PCCB: variants seen among roughly 807,000 people sequenced by gnomAD.
The protein encoded by PCCB is propionyl-CoA carboxylase beta chain, mitochondrial.
PCCB carries 43 observed loss-of-function variants against 60.7 expected under a neutral mutation model. The observed-to-expected ratio is 0.71, with a 90% CI of 0.55 to 0.91. PCCB has a LOEUF of 0.91. Among genes scored for constraint, PCCB ranks in the 40% least tolerant of loss-of-function variants. PCCB has a pLI of 0.00. For synonymous variants in PCCB, 276 were observed against 255.9 expected, an observed-to-expected ratio of 1.08 and a Z score of -0.75; for missense variants, 766 against 702.8, an observed-to-expected ratio of 1.09 and a Z score of -1.02.
intron 9 of PCCB, among the ~76,000 whole-genome samples, chr3:136,313,354 G>A (rs901578848): frequency 6.6e-6 from 1 of 151,120 alleles, no homozygotes; most frequent in South Asian, 2.1e-4. Flanking sequence ...TAGATTGGTT[G>A]AATAAACTTT....
At chr3:136,305,605 C>T (rs1217517207) in intron 9 of PCCB, among the ~76,000 whole-genome samples, 1 of 115,446 alleles carries the variant, frequency 8.7e-6, no homozygotes, top group Non-Finnish European at 1.9e-5. Flanking sequence ...AAAAATTAGC[C>T]GGGTGTGGTG....
At chr3:136,254,713 C>A (rs535354347) in intron 1 of PCCB, among the ~76,000 whole-genome samples, 150 of 148,824 alleles carry the variant, frequency 1.0e-3, no homozygotes, top group African/African-American at 3.6e-3. Flanking sequence ...TTGTATTTTT[C>A]AGTAGAGACC....
At chr3:136,294,335 A>G (rs1186243365) in intron 7 of PCCB, among the ~76,000 whole-genome samples, 1 of 152,036 alleles carries the variant, frequency 6.6e-6, no homozygotes, top group Non-Finnish European at 1.5e-5. Flanking sequence ...TTTTTGAGAC[A>G]GGATCCAGCT....
intron 10 of PCCB, among the ~76,000 whole-genome samples, chr3:136,318,109 C>A (rs1208132069): frequency 6.6e-6 from 1 of 152,148 alleles, no homozygotes; most frequent in South Asian, 2.1e-4. Flanking sequence ...GAGGCCAAGG[C>A]GGGTGGATCA....
intron 9 of PCCB, among the ~76,000 whole-genome samples, chr3:136,315,542 A>G (rs1934855928): frequency 6.6e-6 from 1 of 151,968 alleles, no homozygotes; most frequent in African/African-American, 2.4e-5. Flanking sequence ...AACAAAAGAA[A>G]ATTGTGAATT....
chr3:136,293,352 C>T (rs1279264055), intron 6 of PCCB, among the ~76,000 whole-genome samples: 2 of 152,222 alleles, frequency 1.3e-5, no homozygotes, highest in Non-Finnish European at 2.9e-5. Flanking sequence ...TGGTTGCATA[C>T]AGTCTCCATA....
chr3:136,323,339 C>A (rs1263944934), intron 10 of PCCB, among the ~76,000 whole-genome samples: 1 of 152,150 alleles, frequency 6.6e-6, no homozygotes, highest in Non-Finnish European at 1.5e-5. Flanking sequence ...ATTCTCTGAT[C>A]TTTCTTCTGC....
intron 10 of PCCB, 45 bp downstream of exon 10, chr3:136,317,109 A>G (rs776398117): frequency 8.1e-6 from 13 of 1,609,784 alleles, no homozygotes; most frequent in Non-Finnish European, 1.1e-5. Flanking sequence ...GTTGGAGGCC[A>G]GGGAAGCCTG....
chr3:136,253,045 G>A (rs1941561030), intron 1 of PCCB, among the ~76,000 whole-genome samples: 1 of 141,134 alleles, frequency 7.1e-6, no homozygotes, highest in African/African-American at 2.7e-5. Flanking sequence ...TAGGGTATTT[G>A]CCTCGGGTTG....
At chr3:136,274,756 A>G (rs1942296723) in intron 5 of PCCB, among the ~76,000 whole-genome samples, 1 of 151,652 alleles carries the variant, frequency 6.6e-6, no homozygotes. Flanking sequence ...CAGGACCACC[A>G]AGTATTTTTA....
chr3:136,301,223 C>G, intron 9 of PCCB, 112 bp downstream of exon 9: 1 of 827,354 alleles, frequency 1.2e-6, no homozygotes, highest in Non-Finnish European at 2.1e-6. Flanking sequence ...TCAGACAGCA[C>G]AGGTCGGGAA....
rs529527386 is a variant in PCCB, at chr3:136,314,612, TCC to T, written c.967-2328_967-2327del. On this transcript the variant is annotated intron_variant, in intron 9 of 14. Transcript: ENST00000251654. The stretch of plus-strand genomic sequence containing the variant: ...GGAGGTTGCATCGAGCTGAGGTTGC[TCC>T]ACTGCACTCCCACCTAGGTGGCAGA... Among the ~76,000 whole-genome samples the T allele has an allele frequency of 2.0e-4, 31 of 151,938 alleles. No homozygotes were observed. In the South Asian group the frequency reaches 6.4e-3, roughly 32 times the overall value.
chr3:136,324,720 G>A (rs1576358406), intron 10 of PCCB, among the ~76,000 whole-genome samples: 1 of 152,086 alleles, frequency 6.6e-6, no homozygotes, highest in Non-Finnish European at 1.5e-5. Context: ...GCCTGGATAA[G>A]TTCTGAGTTA....
At chr3:136,251,361 G>A in intron 1 of PCCB, 2 of 455,962 alleles carry the variant, frequency 4.4e-6, no homozygotes, top group Non-Finnish European at 8.8e-6. Flanking sequence ...GGACCGTTGT[G>A]CTGAACGAAT....
chr3:136,292,533 TC>T (rs969448764), intron 6 of PCCB, among the ~76,000 whole-genome samples: 1 of 152,198 alleles, frequency 6.6e-6, no homozygotes. Flanking sequence ...GAAACAACCT[TC>T]ATGACCATCA....
At chr3:136,281,328 T>C (rs1266883104) in intron 5 of PCCB, among the ~76,000 whole-genome samples, 1 of 152,148 alleles carries the variant, frequency 6.6e-6, no homozygotes, top group Non-Finnish European at 1.5e-5. Context: ...TGGTTCCTTA[T>C]ACTAGATTAT....
chr3:136,254,418 C>G (rs183011748), intron 1 of PCCB, among the ~76,000 whole-genome samples: 1 of 146,824 alleles, frequency 6.8e-6, no homozygotes, highest in East Asian at 2.2e-4. Flanking sequence ...GATAGGGTTT[C>G]GCCGTGTTAG....
intron 9 of PCCB, among the ~76,000 whole-genome samples, chr3:136,313,781 A>G (rs1934765266): frequency 6.6e-6 from 1 of 152,200 alleles, no homozygotes; most frequent in African/African-American, 2.4e-5. Flanking sequence ...AAAAAATTCT[A>G]GCTAGTAGGT....
At chr3:136,279,962 G>A (rs373992034) in intron 5 of PCCB, among the ~76,000 whole-genome samples, 39 of 152,254 alleles carry the variant, frequency 2.6e-4, no homozygotes, top group East Asian at 2.3e-3. Context: ...CACCGCGCCC[G>A]GCCTTTTTAT....
Sources: gnomAD v4.1 joint callset for allele counts (sites outside exome capture counted in the v4.1 genomes callset) on GRCh38, gnomAD v4.1.1 for gene constraint, MANE v1.5 for transcripts, NCBI Gene and HGNC (gene_info 2026-07-23, HGNC 2026-07-21) for gene names.